Variants in SLC35D2 observed in about 807,000 individuals in gnomAD.
The protein encoded by SLC35D2 is nucleotide sugar transporter SLC35D2.
In SLC35D2, 43 loss-of-function variants were observed where a neutral mutation model predicts 41.8. The ratio of observed to expected loss-of-function variants is 1.03; its 90% confidence interval spans 0.81 to 1.33. The LOEUF (loss-of-function observed/expected upper bound fraction) is 1.33, where lower values mean the gene tolerates loss of function less well. Ranked by LOEUF, SLC35D2 falls within the 40% of genes most tolerant of loss-of-function variation. The probability of loss-of-function intolerance (pLI) is 0.00; values close to 1 mark genes in which losing one functional copy is unlikely to be tolerated. For synonymous variants in SLC35D2, 150 were observed against 163.9 expected, an observed-to-expected ratio of 0.92 and a Z score of 0.65; for missense variants, 380 against 408.4, an observed-to-expected ratio of 0.93 and a Z score of 0.60.
chr9:96,313,521 A>T lies in SLC35D2; in HGVS notation c.*2414T>A, dbSNP rs149057501. Among the ~76,000 whole-genome samples, 136 of 151,858 alleles carry T rather than the reference A, an allele frequency of 9.0e-4. 2 individuals are homozygous for T. The highest frequency in any genetic ancestry group is 1.2e-4 in the Non-Finnish European group (8 of 67,962). ...CCACATGGCTGATCTCTGTCTCCAG[A>T]CTCCCCAGGTATCACCCAAAGCCTT... On this transcript the variant is annotated 3_prime_UTR_variant and NMD_transcript_variant, in exon 12 of 12. Coordinates refer to the SLC35D2 transcript ENST00000650065.
At chr9:96,330,104 T>A (rs1445428462) in intron 9 of SLC35D2, among the ~76,000 whole-genome samples, 1 of 152,212 alleles carries the variant, frequency 6.6e-6, no homozygotes, top group Non-Finnish European at 1.5e-5. Context: ...AAGCCCTAGA[T>A]TCCCAAGGCC....
chr9:96,328,482 T>G (rs1828656996), intron 9 of SLC35D2, among the ~76,000 whole-genome samples: 1 of 152,210 alleles, frequency 6.6e-6, no homozygotes. Context: ...ATACATCTGA[T>G]GCACATTTAT....
At chr9:96,336,596 T>C (rs567707038) in intron 9 of SLC35D2, 121 bp downstream of exon 9, 1 of 695,178 alleles carries the variant, frequency 1.4e-6, no homozygotes, top group East Asian at 2.7e-5. Flanking sequence ...GCAGGGGTAC[T>C]TTCCAGAGAA....
intron 9 of SLC35D2, among the ~76,000 whole-genome samples, chr9:96,324,898 G>A (rs1828448451): frequency 6.6e-6 from 1 of 152,146 alleles, no homozygotes; most frequent in South Asian, 2.1e-4. Context: ...GCCTGGCAGA[G>A]GTTCTGCTTC....
At chr9:96,380,193 G>A (rs35102188) in intron 1 of SLC35D2, among the ~76,000 whole-genome samples, 3,855 of 151,916 alleles carry the variant, frequency 0.025, 70 homozygotes, top group Middle Eastern at 0.054. Context: ...CACCGCGCCC[G>A]GCCCTTAGAG....
intron 4 of SLC35D2, among the ~76,000 whole-genome samples, chr9:96,354,766 CAAAAAAAAA>C (rs59013884): frequency 1.9e-4 from 9 of 46,744 alleles, no homozygotes; most frequent in Admixed American, 3.7e-4. Flanking sequence ...GACTCCATCT[CAAAAAAAAA>C]AAAAAAAAAA....
chr9:96,352,209 A>C, intron 4 of SLC35D2, 100 bp from the exon 5 acceptor site: 1 of 694,948 alleles, frequency 1.4e-6, no homozygotes. Flanking sequence ...CTAATTTTCC[A>C]AATCAATTTT....
chr9:96,353,417 G>A (rs113881318), intron 4 of SLC35D2, among the ~76,000 whole-genome samples: 2,843 of 152,002 alleles, frequency 0.019, 80 homozygotes, highest in African/African-American at 0.065. Context: ...GCAGTGGCGC[G>A]ATCTCAGCTC....
intron 4 of SLC35D2, among the ~76,000 whole-genome samples, chr9:96,358,186 T>C (rs981705802): frequency 2.7e-5 from 4 of 148,858 alleles, no homozygotes; most frequent in African/African-American, 1.0e-4. Context: ...ACCTTGAAAA[T>C]ATGATGTAAG....
At chr9:96,373,620 G>A (rs184092126) in intron 1 of SLC35D2, among the ~76,000 whole-genome samples, 41 of 151,550 alleles carry the variant, frequency 2.7e-4, no homozygotes, top group Non-Finnish European at 1.5e-5. Context: ...CTGGTAAGCG[G>A]AGGTTGCAGT....
intron 9 of SLC35D2, among the ~76,000 whole-genome samples, chr9:96,328,606 A>G (rs2130853070): frequency 6.6e-6 from 1 of 152,264 alleles, no homozygotes; most frequent in South Asian, 2.1e-4. Context: ...TTCCTGTTCT[A>G]AAAACAGCAC....
At chr9:96,366,174 T>C (rs1405239378) in intron 2 of SLC35D2, among the ~76,000 whole-genome samples, 1 of 151,552 alleles carries the variant, frequency 6.6e-6, no homozygotes, top group African/African-American at 2.4e-5. Flanking sequence ...TGGTGGTGCA[T>C]GCCTGTAGTC....
chr9:96,328,435 A>G (rs1160724690), intron 9 of SLC35D2, among the ~76,000 whole-genome samples: 1 of 152,182 alleles, frequency 6.6e-6, no homozygotes, highest in Non-Finnish European at 1.5e-5. Context: ...TTTTGAAGTC[A>G]TGATATTATC....
intron 9 of SLC35D2, among the ~76,000 whole-genome samples, chr9:96,325,816 G>C (rs1288254976): frequency 1.3e-5 from 2 of 152,176 alleles, no homozygotes; most frequent in Non-Finnish European, 2.9e-5. Context: ...CTAGAATCCT[G>C]CTAGAATTCA....
rs112969572 is a variant in SLC35D2 at position 96,366,132 on chromosome 9, A to C, written c.193-1582T>G. 2.6e-3 allele frequency among the ~76,000 whole-genome samples: 400 copies of C among 152,068 alleles called. 1 individual carries two copies. The highest frequency in any genetic ancestry group is 9.0e-3 in the African/African-American group (374 of 41,502). ...AGCCTGGGCATCATGGCGAAACCCT[A>C]TCTCTACAAAAAATACAAAAATTAG... On this transcript the variant is annotated intron_variant, in intron 2 of 11. Coordinates refer to ENST00000253270, the MANE Select transcript of SLC35D2 (RefSeq NM_007001.3).
chr9:96,360,651 A>G (rs1193960545), intron 3 of SLC35D2, among the ~76,000 whole-genome samples: 2 of 105,726 alleles, frequency 1.9e-5, no homozygotes, highest in Non-Finnish European at 4.1e-5. Context: ...AAAAAAAAAA[A>G]AAAGAAAAGG....
chr9:96,352,103 C>T lies in SLC35D2; in HGVS notation c.354G>A (p.Pro118=), dbSNP rs370264773. ...GLSSTSKLSL[P]MFTVLRKFTI... Reference sequence around the variant, plus strand: ...TGAATTTCCTGAGCACGGTGAACATCGGTAGGCTGCCAGGAAAAGAGTGAA... The same window carrying T: ...TGAATTTCCTGAGCACGGTGAACATTGGTAGGCTGCCAGGAAAAGAGTGAA... Residue 118 remains proline (P), a synonymous_variant, in exon 5 of 12, where the codon CCG becomes CCA. Transcript: ENST00000253270. The T allele has an allele frequency of 2.3e-4, 373 of 1,610,160 alleles. 1 individual carries two copies. The Middle Eastern group carries it at 5.9e-3, about 26-fold the overall frequency.
intron 1 of SLC35D2, among the ~76,000 whole-genome samples, chr9:96,380,782 T>TA (rs1165667757): frequency 2.0e-5 from 3 of 152,060 alleles, no homozygotes. Context: ...CTTTTTTTTT[T>TA]ATCCTAAGTG....
chr9:96,382,773 C>A (rs573857335), intron 1 of SLC35D2, among the ~76,000 whole-genome samples: 49 of 152,184 alleles, frequency 3.2e-4, no homozygotes, highest in Non-Finnish European at 6.2e-4. Context: ...ACAGCTCGTG[C>A]AGAGCCCTGG....
Sources: gnomAD v4.1 joint callset for allele counts (sites outside exome capture counted in the v4.1 genomes callset) on GRCh38, gnomAD v4.1.1 for gene constraint, MANE v1.5 for transcripts, NCBI Gene and HGNC (gene_info 2026-07-23, HGNC 2026-07-21) for gene names.